The following WDPCP variants were observed in gnomAD, a reference collection of about 807,000 sequenced individuals.
The protein encoded by WDPCP is WD repeat-containing and planar cell polarity effector protein fritz homolog.
Under a neutral mutation model 93.1 loss-of-function variants are expected in WDPCP, and 71 were observed. The ratio of observed to expected loss-of-function variants is 0.76; its 90% CI spans 0.63 to 0.93. The LOEUF is 0.93. Among genes scored for constraint, WDPCP ranks in the 40% least tolerant of loss-of-function variants. The pLI, the probability that WDPCP is intolerant of heterozygous loss-of-function variation, is 0.00. For missense variants in WDPCP, 844 were observed against 887.4 expected (o/e 0.95, Z 0.62); for synonymous variants, 315 against 315.0 (o/e 1.00, Z 0.00).
chr2:63,363,049 C>T (rs1455718817), intron 12 of WDPCP, among the ~76,000 whole-genome samples: 2 of 151,792 alleles, frequency 1.3e-5, no homozygotes, highest in Admixed American at 1.3e-4. Flanking sequence ...ATATATACTT[C>T]CACTTATTTA....
chr2:63,283,250 C>G (rs555343391), intron 13 of WDPCP, among the ~76,000 whole-genome samples: 1 of 152,058 alleles, frequency 6.6e-6, no homozygotes, highest in Non-Finnish European at 1.5e-5. Context: ...GCTATATTGC[C>G]CAGGCTGGCC....
chr2:63,487,540 A>T, intron 2 of WDPCP, 46 bp from the exon 3 acceptor site: 1 of 1,435,570 alleles, frequency 7.0e-7, no homozygotes, highest in Non-Finnish European at 9.8e-7. Context: ...TAAAAGTCCC[A>T]GAGAATAAGA....
chr2:63,279,843 C>T (rs555236682), intron 13 of WDPCP, among the ~76,000 whole-genome samples: 1 of 151,980 alleles, frequency 6.6e-6, no homozygotes, highest in East Asian at 1.9e-4. Flanking sequence ...AAATCAAGAA[C>T]TCAACCCCTT....
chr2:63,440,270 G>A (rs1161883420), intron 6 of WDPCP: 1 of 171,872 alleles, frequency 5.8e-6, no homozygotes. Context: ...AATAGTCATT[G>A]CTACACATTA....
intron 13 of WDPCP, among the ~76,000 whole-genome samples, chr2:63,309,658 A>T (rs1448352125): frequency 2.0e-5 from 3 of 152,184 alleles, no homozygotes; most frequent in South Asian, 2.1e-4. Context: ...CTTCCCCAAA[A>T]CATACACATT....
chr2:63,393,741 A>G (rs1485542956), intron 10 of WDPCP, among the ~76,000 whole-genome samples: 1 of 152,002 alleles, frequency 6.6e-6, no homozygotes, highest in African/African-American at 2.4e-5. Flanking sequence ...GAGACCAATG[A>G]AACAGAATAG....
intron 14 of WDPCP, among the ~76,000 whole-genome samples, chr2:63,234,734 ATTAAC>A (rs1679234567): frequency 6.6e-6 from 1 of 152,186 alleles, no homozygotes; most frequent in South Asian, 2.1e-4. Flanking sequence ...GGAATAAGAT[ATTAAC>A]ACAAGTTTAT....
intron 12 of WDPCP, among the ~76,000 whole-genome samples, chr2:63,330,429 G>T (rs1315246804): frequency 6.6e-6 from 1 of 152,082 alleles, no homozygotes; most frequent in Non-Finnish European, 1.5e-5. Flanking sequence ...AAATTTGGTT[G>T]TTTATTTGCT....
intron 6 of WDPCP, among the ~76,000 whole-genome samples, chr2:63,455,413 GATATATATAT>G (rs59481179): frequency 2.1e-5 from 3 of 140,912 alleles, no homozygotes; most frequent in Non-Finnish European, 3.1e-5. Flanking sequence ...TACTTGTAAA[GATATATATAT>G]ATATATATAT....
chr2:63,364,427 A>G (rs1416976275), intron 12 of WDPCP, among the ~76,000 whole-genome samples: 2 of 152,210 alleles, frequency 1.3e-5, no homozygotes, highest in Admixed American at 6.5e-5. Flanking sequence ...TCTGTCTTCT[A>G]TATCAAATAC....
intron 1 of WDPCP, among the ~76,000 whole-genome samples, chr2:63,526,317 C>T (rs1016861966): frequency 1.3e-5 from 2 of 152,158 alleles, no homozygotes; most frequent in Non-Finnish European, 2.9e-5. Context: ...TTTGATGGCA[C>T]TATTTCGTGT....
intron 13 of WDPCP, among the ~76,000 whole-genome samples, chr2:63,300,572 T>C (rs1407578127): frequency 1.3e-5 from 2 of 152,156 alleles, no homozygotes; most frequent in African/African-American, 4.8e-5. Flanking sequence ...AGCAACAGGA[T>C]CCCCAACTTT....
In WDPCP at chr2:63,670,145, T is replaced by A. The variant is rs533246775; in HGVS notation, n.309-19307A>T. Among the ~76,000 whole-genome samples, 15 of 152,242 alleles carry A rather than the reference T, an allele frequency of 9.9e-5. No individual in the cohort carries two copies. The South Asian group carries it at 3.1e-3, about 32-fold the overall frequency. ...CTGTAACGTTGATAAAATGGAACAT[T>A]TGCATAGGGGAGGAGAGCTTTTCAA... On this transcript the variant is annotated intron_variant and non_coding_transcript_variant, in intron 2 of 4. Transcript: ENST00000467687.
intron 14 of WDPCP, among the ~76,000 whole-genome samples, chr2:63,179,495 C>T (rs182529622): frequency 9.1e-4 from 139 of 152,066 alleles, no homozygotes; most frequent in Non-Finnish European, 2.8e-4. Flanking sequence ...TTCTCTTTCT[C>T]CTTCTCCAGC....
intron 14 of WDPCP, among the ~76,000 whole-genome samples, chr2:63,226,878 TAAAG>T (rs1053887769): frequency 4.0e-5 from 6 of 151,762 alleles, no homozygotes; most frequent in African/African-American, 7.3e-5. Context: ...AGCCAGAAAA[TAAAG>T]AAGAAAGAAC....
chr2:63,813,568 C>G (rs1299141613), intron 2 of WDPCP: 1 of 152,198 alleles, frequency 6.6e-6, no homozygotes, highest in Non-Finnish European at 1.5e-5. Context: ...TGATGCTGTT[C>G]ACTTTGAATG....
intron 2 of WDPCP, among the ~76,000 whole-genome samples, chr2:63,754,809 C>A (rs1343129544): frequency 1.3e-5 from 2 of 152,226 alleles, no homozygotes; most frequent in African/African-American, 2.4e-5. Flanking sequence ...TGCTGCATAA[C>A]AAACTTAGCA....
At chr2:63,589,293 G>T (rs779110136), upstream of WDPCP, 2 of 1,550,844 alleles carry the variant, frequency 1.3e-6, no homozygotes, top group South Asian at 2.4e-5. Context: ...TGGGAGAGGA[G>T]CGATCTTAAT....
chr2:63,347,682 G>T (rs114998244), intron 12 of WDPCP, among the ~76,000 whole-genome samples: 2,283 of 151,990 alleles, frequency 0.015, 62 homozygotes, highest in African/African-American at 0.052. Context: ...CTGTTTTTGT[G>T]GGGGGGTCAT....
Sources: allele counts gnomAD v4.1 joint callset (sites outside exome capture counted in the v4.1 genomes callset), GRCh38; gene constraint gnomAD v4.1.1; transcripts MANE v1.5; gene names NCBI Gene and HGNC (gene_info 2026-07-23, HGNC 2026-07-21).